Variants in SBF2 observed in about 807,000 individuals in gnomAD.
The protein encoded by SBF2 is myotubularin-related protein 13.
In SBF2, 112 loss-of-function variants were observed where a neutral mutation model predicts 225.2. The observed-to-expected ratio is 0.50, with a 90% CI of 0.43 to 0.58. The LOEUF (loss-of-function observed/expected upper bound fraction) is 0.58. SBF2 is among the 20% of genes least tolerant of loss of function. SBF2 has a pLI of 0.00. For missense variants in SBF2, 1,996 were observed against 2,206.2 expected, an observed-to-expected ratio of 0.90 and a Z score of 1.91; for synonymous variants, 763 against 773.3, an observed-to-expected ratio of 0.99 and a Z score of 0.22.
At position 9,998,331 on chromosome 11, in the gene SBF2, C is replaced by T. The variant is rs781039677; in HGVS notation, c.910G>A (p.Glu304Lys). Residue 304 changes from glutamate (E) to lysine (K), a missense_variant, in exon 9 of 40, where the codon GAA (glutamate) becomes AAA (lysine). By Grantham distance (56) the Glu-to-Lys change is moderately conservative. Transcript: ENST00000256190. ...DLDGGTIKIP[E>K]CIHLSSLPEP... ...GGGAGGGAAGAGAGGTGAATACATTCGGGAATTTTAATAGTGCCTCCATCC... is the reference window on the plus strand; with the variant it reads ...GGGAGGGAAGAGAGGTGAATACATTTGGGAATTTTAATAGTGCCTCCATCC... 45 of 1,609,476 alleles carry T rather than the reference C, an allele frequency of 2.8e-5. No individual in the cohort carries two copies. The highest frequency in any genetic ancestry group is 3.3e-5 in the Non-Finnish European group (39 of 1,176,332).
chr11:10,025,771 T>C (rs1949031695), intron 6 of SBF2, among the ~76,000 whole-genome samples: 1 of 152,128 alleles, frequency 6.6e-6, no homozygotes, highest in African/African-American at 2.4e-5. Context: ...CGCTACTGTT[T>C]TCTATTTTTA....
At chr11:9,981,465 T>C (rs901597053) in intron 13 of SBF2, among the ~76,000 whole-genome samples, 2 of 152,190 alleles carry the variant, frequency 1.3e-5, no homozygotes, top group East Asian at 3.8e-4. Context: ...AAGTTGAAAT[T>C]ATTTAAAAAA....
At chr11:10,223,177 T>A (rs1266062550) in intron 1 of SBF2, among the ~76,000 whole-genome samples, 4 of 151,542 alleles carry the variant, frequency 2.6e-5, no homozygotes, top group Non-Finnish European at 4.4e-5. Flanking sequence ...AGTACCAACA[T>A]CAATTATGTT....
chr11:10,275,084 T>C (rs571916787), intron 1 of SBF2, among the ~76,000 whole-genome samples: 2 of 151,834 alleles, frequency 1.3e-5, no homozygotes, highest in Admixed American at 6.6e-5. Context: ...CTGAACTCAA[T>C]AGCCAGGGAG....
chr11:10,120,296 T>G (rs1953376705), intron 2 of SBF2, among the ~76,000 whole-genome samples: 1 of 152,238 alleles, frequency 6.6e-6, no homozygotes, highest in African/African-American at 2.4e-5. Context: ...TAATATTCTA[T>G]TGAATGTATA....
chr11:9,824,648 C>A (rs867371082), intron 28 of SBF2, among the ~76,000 whole-genome samples: 1 of 151,864 alleles, frequency 6.6e-6, no homozygotes, highest in African/African-American at 2.4e-5. Flanking sequence ...GACAACTGTG[C>A]AGCTACAATT....
At chr11:10,264,582 A>T (rs1961764333) in intron 1 of SBF2, among the ~76,000 whole-genome samples, 1 of 152,050 alleles carries the variant, frequency 6.6e-6, no homozygotes, top group South Asian at 2.1e-4. Flanking sequence ...TATTTTTGTT[A>T]ATTTTTAAAA....
intron 16 of SBF2, among the ~76,000 whole-genome samples, chr11:9,920,429 C>G (rs1311908115): frequency 6.6e-6 from 1 of 152,024 alleles, no homozygotes; most frequent in African/African-American, 2.4e-5. Context: ...TCTAGATATT[C>G]TAGGCACCAG....
At chr11:9,868,193 T>C (rs2134038307) in intron 17 of SBF2, among the ~76,000 whole-genome samples, 1 of 152,124 alleles carries the variant, frequency 6.6e-6, no homozygotes, top group African/African-American at 2.4e-5. Flanking sequence ...TTACAATTGT[T>C]TTTTAAATGT....
chr11:9,877,978 T>C (rs1298699893), intron 17 of SBF2, among the ~76,000 whole-genome samples: 2 of 152,232 alleles, frequency 1.3e-5, no homozygotes, highest in African/African-American at 4.8e-5. Context: ...CCACACTGTC[T>C]TCCACAATGG....
intron 16 of SBF2, among the ~76,000 whole-genome samples, chr11:9,901,197 A>C (rs1861694109): frequency 6.6e-6 from 1 of 152,268 alleles, no homozygotes; most frequent in African/African-American, 2.4e-5. Flanking sequence ...GAATATGCAG[A>C]CCAAAATATA....
At chr11:10,150,095 C>A (rs564270341) in intron 2 of SBF2, among the ~76,000 whole-genome samples, 5 of 152,252 alleles carry the variant, frequency 3.3e-5, no homozygotes, top group African/African-American at 1.2e-4. Context: ...ACCACCCAGT[C>A]TCTGCCATAT....
At chr11:9,893,331 C>A (rs1381573040) in intron 17 of SBF2, among the ~76,000 whole-genome samples, 7 of 152,226 alleles carry the variant, frequency 4.6e-5, no homozygotes, top group Non-Finnish European at 8.8e-5. Context: ...CCTTACCTAA[C>A]CCCTCTGTTA....
At chr11:10,028,407 A>G in intron 6 of SBF2, 45 bp downstream of exon 6, 1 of 1,186,810 alleles carries the variant, frequency 8.4e-7, no homozygotes, top group South Asian at 1.2e-5. Context: ...TCCTTTAATC[A>G]TAGGCTTCTA....
intron 2 of SBF2, among the ~76,000 whole-genome samples, chr11:10,061,247 T>C (rs1247930098): frequency 6.6e-6 from 1 of 152,114 alleles, no homozygotes; most frequent in African/African-American, 2.4e-5. Context: ...GCCCACATTA[T>C]ACAGAATGGT....
At chr11:9,800,668 A>C (rs1590114275) in intron 32 of SBF2, among the ~76,000 whole-genome samples, 1 of 151,928 alleles carries the variant, frequency 6.6e-6, no homozygotes, top group South Asian at 2.1e-4. Flanking sequence ...CGGCTTCCCA[A>C]AGTGCTGGGA....
At chr11:9,816,511 C>T (rs1854465418) in intron 29 of SBF2, among the ~76,000 whole-genome samples, 1 of 152,140 alleles carries the variant, frequency 6.6e-6, no homozygotes, top group Non-Finnish European at 1.5e-5. Flanking sequence ...GAAACTGAAT[C>T]AAGGCTGTTG....
intron 38 of SBF2, chr11:9,782,964 TAGTATAC>T (rs1852126919): frequency 1.3e-5 from 2 of 152,132 alleles, no homozygotes; most frequent in Non-Finnish European, 2.9e-5. Context: ...TTTCACTCTC[TAGTATAC>T]ATGGCAAGAA....
chr11:10,280,537 CAA>C (rs922705129), intron 1 of SBF2, among the ~76,000 whole-genome samples: 4 of 152,118 alleles, frequency 2.6e-5, no homozygotes, highest in African/African-American at 9.7e-5. Context: ...CTCTGGGATA[CAA>C]AAAATAGTCT....
Sources: gnomAD v4.1 joint callset for allele counts (sites outside exome capture counted in the v4.1 genomes callset) on GRCh38, gnomAD v4.1.1 for gene constraint, MANE v1.5 for transcripts, NCBI Gene and HGNC (gene_info 2026-07-23, HGNC 2026-07-21) for gene names.